ZC3H18: variants seen among roughly 807,000 people sequenced by gnomAD.
ZC3H18 encodes the protein zinc finger CCCH domain-containing protein 18.
A neutral mutation model predicts 106.1 loss-of-function variants in ZC3H18; 8 were observed. The ratio of observed to expected loss-of-function variants is 0.08; its 90% CI spans 0.04 to 0.14. The LOEUF is 0.14. Among genes scored for constraint, ZC3H18 ranks in the 10% least tolerant of loss-of-function variants. The probability of loss-of-function intolerance (pLI) is 1.00; values close to 1 mark genes in which losing one functional copy is unlikely to be tolerated. For missense variants in ZC3H18, 1,318 were observed against 1,278.4 expected, an observed-to-expected ratio of 1.03 and a Z score of -0.47; for synonymous variants, 635 against 522.1, an observed-to-expected ratio of 1.22 and a Z score of -2.95.
chr16:88,581,293 T>A (rs940101112), intron 2 of ZC3H18, among the ~76,000 whole-genome samples: 6 of 152,312 alleles, frequency 3.9e-5, no homozygotes, highest in African/African-American at 1.4e-4. Flanking sequence ...TGGCCTGATT[T>A]ATCATTCTTT....
At chr16:88,584,757 T>TG (rs1915337896) in intron 2 of ZC3H18, among the ~76,000 whole-genome samples, 1 of 152,204 alleles carries the variant, frequency 6.6e-6, no homozygotes, top group South Asian at 2.1e-4. Context: ...AATCTTAAGG[T>TG]GGTTACATTG....
rs1383858642 is a variant in ZC3H18, at chr16:88,611,354, G to A, written c.1293G>A (p.Gln431=). 2 of 880,784 alleles carry A rather than the reference G, an allele frequency of 2.3e-6. No individual in the cohort carries two copies. Among genetic ancestry groups the A allele is most frequent in the African/African-American group, 3.3e-5 (2 of 60,216 alleles). The allele number at this position is 880,784 out of a possible 1,614,324, so 54.6% of individuals were successfully genotyped here. ...RERDRERERR[Q]RERERERERE... The stretch of plus-strand genomic sequence containing the variant: ...GGGACCGAGAGCGGGAGCGCCGGCA[G>A]AGGGAGCGCGAGCGAGAGCGGGAGC... Residue 431 remains glutamine, a synonymous_variant, in exon 8 of 18, where the codon CAG becomes CAA. Coordinates refer to ENST00000301011, the MANE Select transcript of ZC3H18 (RefSeq NM_144604.4).
intron 2 of ZC3H18, among the ~76,000 whole-genome samples, chr16:88,583,271 A>C (rs1291776270): frequency 6.6e-6 from 1 of 152,284 alleles, no homozygotes; most frequent in Non-Finnish European, 1.5e-5. Context: ...ACAAAGAAGA[A>C]AGCGAAAATC....
Position 88,577,212 on chromosome 16 carries a change from G to C in ZC3H18, c.89G>C (p.Arg30Thr), listed in dbSNP as rs368840643. 389 of 1,613,162 alleles carry C rather than the reference G, an allele frequency of 2.4e-4. 1 individual carries two copies. The highest frequency in any genetic ancestry group is 3.3e-4 in the Middle Eastern group (2 of 6,058). ...GGACTCTCGGACGATGACATTCTGA[G>C]GGACAGCGGGTCCGATCAGGATTTG... ...PQGLSDDDILRDSGSDQDLDG... is the reference protein window; with the variant it reads ...PQGLSDDDILTDSGSDQDLDG... Residue 30 changes from arginine (R) to threonine (T), a missense_variant, in exon 2 of 18, where the codon AGG (arginine) becomes ACG (threonine). Physicochemically the swap from Arg to Thr is moderately conservative, Grantham distance 71 (BLOSUM62 -1). Coordinates refer to ENST00000301011, the MANE Select transcript of ZC3H18 (RefSeq NM_144604.4).
intron 8 of ZC3H18, among the ~76,000 whole-genome samples, chr16:88,617,032 T>C (rs573551697): frequency 1.3e-5 from 2 of 152,310 alleles, no homozygotes; most frequent in Admixed American, 1.3e-4. Context: ...ATGGGTGTCC[T>C]GGGTAGAGTT....
chr16:88,629,930 T>C (rs1463477555), intron 16 of ZC3H18, among the ~76,000 whole-genome samples: 7 of 152,354 alleles, frequency 4.6e-5, no homozygotes, highest in Admixed American at 3.9e-4. Flanking sequence ...CTGCTCACCT[T>C]TGTCCCTAAG....
chr16:88,624,214 C>A, intron 11 of ZC3H18, 152 bp downstream of exon 11: 2 of 1,036,632 alleles, frequency 1.9e-6, no homozygotes, highest in Non-Finnish European at 2.8e-6. Context: ...GGCTGGGAGG[C>A]ACTGGGCACA....
chr16:88,623,777 T>C (rs1296754870), intron 10 of ZC3H18, 181 bp from the exon 11 acceptor site: 1 of 1,178,890 alleles, frequency 8.5e-7, no homozygotes, highest in Non-Finnish European at 1.1e-6. Context: ...CCACGCTCTC[T>C]GGTCTACTCT....
At chr16:88,575,538 C>T (rs1378338776) in intron 1 of ZC3H18, among the ~76,000 whole-genome samples, 1 of 151,924 alleles carries the variant, frequency 6.6e-6, no homozygotes, top group Non-Finnish European at 1.5e-5. Flanking sequence ...GTTTGCCAGG[C>T]AGGTGTTGCC....
intron 8 of ZC3H18, 121 bp from the exon 9 acceptor site, chr16:88,622,076 T>C (rs1445616493): frequency 8.2e-7 from 1 of 1,218,792 alleles, no homozygotes; most frequent in Non-Finnish European, 1.1e-6. Flanking sequence ...ACCCTTTGTT[T>C]CTCAGGTGAT....
At chr16:88,587,114 C>G (rs375165193) in intron 3 of ZC3H18, among the ~76,000 whole-genome samples, 2 of 152,238 alleles carry the variant, frequency 1.3e-5, no homozygotes, top group East Asian at 3.9e-4. Context: ...AGCGTTTGTT[C>G]GTGTGGAATG....
intron 2 of ZC3H18, 99 bp from the exon 3 acceptor site, chr16:88,586,501 C>A (rs1915443661): frequency 2.1e-6 from 2 of 948,906 alleles, no homozygotes; most frequent in South Asian, 2.7e-5. Context: ...GTGACAATAT[C>A]CAGGTTCCAC....
chr16:88,607,339 G>T (rs990384589), intron 6 of ZC3H18, among the ~76,000 whole-genome samples: 1 of 152,182 alleles, frequency 6.6e-6, no homozygotes. Flanking sequence ...TCATTTCCAG[G>T]GTTTTCTTGG....
chr16:88,572,379 C>T (rs994647267), intron 1 of ZC3H18, among the ~76,000 whole-genome samples: 4 of 152,088 alleles, frequency 2.6e-5, no homozygotes, highest in African/African-American at 9.7e-5. Flanking sequence ...TCTCGGCTCA[C>T]CGCAACCTCC....
At chr16:88,575,107 G>C (rs552766749) in intron 1 of ZC3H18, among the ~76,000 whole-genome samples, 1 of 151,938 alleles carries the variant, frequency 6.6e-6, no homozygotes, top group Non-Finnish European at 1.5e-5. Flanking sequence ...GGGATTACAG[G>C]CGTGAGCCAC....
chr16:88,623,934 C>G (rs757935213), intron 10 of ZC3H18, 24 bp from the exon 11 acceptor site: 2 of 1,593,624 alleles, frequency 1.3e-6, no homozygotes, highest in South Asian at 2.2e-5. Context: ...AGGCCCCTTC[C>G]GACACCTTTG....
At chr16:88,589,797 G>A (rs1036051381) in intron 3 of ZC3H18, among the ~76,000 whole-genome samples, 10 of 152,226 alleles carry the variant, frequency 6.6e-5, no homozygotes. Flanking sequence ...CTCGTTGCCT[G>A]GACTGGGGGT....
At chr16:88,619,729 C>T (rs567170807) in intron 8 of ZC3H18, among the ~76,000 whole-genome samples, 1 of 152,148 alleles carries the variant, frequency 6.6e-6, no homozygotes, top group Non-Finnish European at 1.5e-5. Flanking sequence ...GCAGCTAGGA[C>T]TCCACATGCT....
chr16:88,600,724 G>T (rs1187544545), intron 6 of ZC3H18, among the ~76,000 whole-genome samples: 1 of 152,172 alleles, frequency 6.6e-6, no homozygotes, highest in Non-Finnish European at 1.5e-5. Context: ...CTTTATGCCT[G>T]GTCTTTAAAA....
Sources: allele counts gnomAD v4.1 joint callset (sites outside exome capture counted in the v4.1 genomes callset), GRCh38; gene constraint gnomAD v4.1.1; transcripts MANE v1.5; gene names NCBI Gene and HGNC (gene_info 2026-07-23, HGNC 2026-07-21).